Variants in DNMT3A observed in about 807,000 individuals in gnomAD.
DNMT3A encodes DNA (cytosine-5)-methyltransferase 3A.
Under a neutral mutation model 117.6 loss-of-function variants are expected in DNMT3A, and 267 were observed. The ratio of observed to expected loss-of-function variants is 2.27; its 90% CI spans 2.05 to 2.51. DNMT3A has a LOEUF of 2.51. Ranked by LOEUF, DNMT3A falls within the 30% of genes most tolerant of loss-of-function variation. The pLI is 0.00. For missense variants in DNMT3A, 1,029 were observed against 1,260.2 expected, an observed-to-expected ratio of 0.82 and a Z score of 2.78; for synonymous variants, 432 against 474.8, an observed-to-expected ratio of 0.91 and a Z score of 1.17.
At position 25,240,378 on chromosome 2, in the gene DNMT3A, CGATCA is replaced by C; in HGVS notation, c.2241_2245del (p.Asp747GlufsTer8). ...ATTCTCAAAGAGCCAGAAGAAGGGGCGATCATCTCCCTCCTTGGGCCGCGCATCAT... is the reference window on the plus strand; with the variant it reads ...ATTCTCAAAGAGCCAGAAGAAGGGGCTCTCCCTCCTTGGGCCGCGCATCAT... On this transcript the variant is annotated frameshift_variant, in exon 19 of 23. Transcript: ENST00000321117. LOFTEE classifies it high-confidence loss of function. 1.2e-6 allele frequency: 2 copies of C among 1,613,968 alleles called. No individual in the cohort carries two copies. Among genetic ancestry groups the C allele is most frequent in the Non-Finnish European group, 1.7e-6 (2 of 1,179,910 alleles).
At chr2:25,275,304 T>C (rs2031308102) in intron 5 of DNMT3A, among the ~76,000 whole-genome samples, 196 bp downstream of exon 5, 1 of 151,926 alleles carries the variant, frequency 6.6e-6, no homozygotes, top group Non-Finnish European at 1.5e-5. Context: ...AAGGGAGGCG[T>C]CTGGCCTCTG....
chr2:25,337,196 C>T lies in DNMT3A; in HGVS notation c.-178+4630G>A, dbSNP rs936170742. Among the ~76,000 whole-genome samples, 4 of 152,198 alleles carry T rather than the reference C, an allele frequency of 2.6e-5. No homozygotes were observed. Among genetic ancestry groups the T allele is most frequent in the Non-Finnish European group, 5.9e-5 (4 of 68,034 alleles). On this transcript the variant is annotated intron_variant, in intron 1 of 22. Transcript: ENST00000321117. The surrounding 1 kb of genome is among the most constrained non-coding windows in gnomAD (Gnocchi z 5.0). ...ACCTGTTGACACGAGATTTGTTCAACTCAACAGATTGCTAAGTGTCGCTGA... is the reference window on the plus strand; with the variant it reads ...ACCTGTTGACACGAGATTTGTTCAATTCAACAGATTGCTAAGTGTCGCTGA...
chr2:25,314,135 T>C lies in DNMT3A; in HGVS notation c.-151A>G. The C allele has an allele frequency of 1.4e-6, 2 of 1,425,946 alleles. No homozygotes were observed. The highest frequency in any genetic ancestry group is 3.0e-5 in the South Asian group (2 of 66,726). The allele number at this position is 1,425,946 out of a possible 1,614,324, so 88.3% of individuals were successfully genotyped here. ...CTGGTGAACGGTGCCTCTGTCAGCC[T>C]GTGGGTGGGGGCTTCGATGGCTCCA... On this transcript the variant is annotated 5_prime_UTR_variant, in exon 2 of 23. Transcript: ENST00000321117.
At chr2:25,246,827 G>C (rs1365502110) in intron 9 of DNMT3A, 51 bp from the exon 10 acceptor site, 3 of 1,599,434 alleles carry the variant, frequency 1.9e-6, no homozygotes, top group Non-Finnish European at 2.6e-6. Context: ...CTGGAAGGCA[G>C]ATGGGTCAGG....
chr2:25,336,037 A>G (rs1344390840), intron 1 of DNMT3A, among the ~76,000 whole-genome samples: 1 of 151,780 alleles, frequency 6.6e-6, no homozygotes, highest in Non-Finnish European at 1.5e-5. Context: ...CCCCACCTCC[A>G]CTGCCCACCA....
intron 16 of DNMT3A, chr2:25,242,057 A>C: frequency 3.6e-6 from 1 of 276,156 alleles, no homozygotes. Flanking sequence ...ATACCCTCTT[A>C]TCACCTCCTG....
chr2:25,329,832 G>A (rs1370760688), intron 1 of DNMT3A, among the ~76,000 whole-genome samples: 1 of 152,160 alleles, frequency 6.6e-6, no homozygotes, highest in African/African-American at 2.4e-5. Flanking sequence ...TGCACACGCT[G>A]GGGCACCTGG....
chr2:25,246,421 C>T (rs1674779032), intron 10 of DNMT3A, 112 bp from the exon 11 acceptor site: 2 of 1,461,648 alleles, frequency 1.4e-6, no homozygotes, highest in Non-Finnish European at 1.8e-6. Flanking sequence ...TTGTTCCCAC[C>T]TCCCAACTCT....
intron 22 of DNMT3A, among the ~76,000 whole-genome samples, chr2:25,235,273 C>T (rs1053531673): frequency 3.3e-5 from 5 of 152,056 alleles, no homozygotes; most frequent in African/African-American, 1.2e-4. Context: ...CAACCTCCAC[C>T]TCCCAGGTTC....
rs1303947595 is a variant in DNMT3A, at chr2:25,229,507, A to C, written c.*4772T>G. 6.6e-6 allele frequency: 1 copy of C among 152,178 alleles called. No homozygotes were observed. Among genetic ancestry groups the C allele is most frequent in the Admixed American group, 6.5e-5 (1 of 15,284 alleles). The allele number at this position is 152,178 out of a possible 1,614,324, so 9.4% of individuals were successfully genotyped here. On this transcript the variant is annotated 3_prime_UTR_variant, in exon 23 of 23. Transcript: ENST00000321117. ...AGAGCAGGCAGCGTGGAGAATACGC[A>C]ATGACAAACTCAGATTACTCACCTC...
At chr2:25,302,473 G>C (rs116407480) in intron 2 of DNMT3A, among the ~76,000 whole-genome samples, 481 of 152,358 alleles carry the variant, frequency 3.2e-3, no homozygotes, top group African/African-American at 0.011. Context: ...GGAGCCCCGT[G>C]CCGTCTGTGG....
chr2:25,239,324 A>G, intron 19 of DNMT3A, 109 bp from the exon 20 acceptor site: 1 of 934,750 alleles, frequency 1.1e-6, no homozygotes, highest in East Asian at 2.6e-5. Context: ...CTTCTCTCTC[A>G]GGAGCCACAC....
At chr2:25,336,453 G>A (rs930420189) in intron 1 of DNMT3A, among the ~76,000 whole-genome samples, 5 of 152,088 alleles carry the variant, frequency 3.3e-5, no homozygotes, top group Admixed American at 3.3e-4. Context: ...TCACTCGCTC[G>A]CAGACCAGAC....
chr2:25,304,895 C>T lies in DNMT3A; in HGVS notation c.73-4652G>A, dbSNP rs551990406. On this transcript the variant is annotated intron_variant, in intron 2 of 22. Coordinates refer to ENST00000321117, the MANE Select transcript of DNMT3A (RefSeq NM_022552.5). The surrounding 1 kb of genome is among the most constrained non-coding windows in gnomAD (Gnocchi z 4.3). ...TATCCTGGATTCCCTGCCCCTAGGC[C>T]CCCTCCTCCCATCCCCTGCCTAGAC... 6.6e-6 allele frequency among the ~76,000 whole-genome samples: 1 copy of T among 152,366 alleles called. No individual in the cohort carries two copies. Among genetic ancestry groups the T allele is most frequent in the South Asian group, 2.1e-4 (1 of 4,830 alleles).
chr2:25,318,864 AT>A (rs34922001), intron 1 of DNMT3A, among the ~76,000 whole-genome samples: 73,689 of 148,158 alleles, frequency 0.5, 19,010 homozygotes, highest in Non-Finnish European at 0.57. Context: ...TGCCTGACTA[AT>A]TTTTTTTCTA....
intron 2 of DNMT3A, among the ~76,000 whole-genome samples, chr2:25,313,172 T>C (rs1322641232): frequency 6.6e-6 from 1 of 152,188 alleles, no homozygotes; most frequent in African/African-American, 2.4e-5. Context: ...AGACAGCCTG[T>C]GGAGACCCAG....
Position 25,236,097 on chromosome 2 carries a change from G to T in DNMT3A, c.2479-272C>A, listed in dbSNP as rs896916436. ...TTTTTTTTTTTTGAGACGGAGTCTC[G>T]CTCTGTCACCCAGGCTGGACTGCAG... On this transcript the variant is annotated intron_variant, in intron 21 of 22. Coordinates refer to ENST00000321117, the MANE Select transcript of DNMT3A (RefSeq NM_022552.5). The surrounding 1 kb of genome is among the most constrained non-coding windows in gnomAD (Gnocchi z 4.5). 1.4e-4 allele frequency among the ~76,000 whole-genome samples: 21 copies of T among 147,406 alleles called. No individual in the cohort carries two copies. Among genetic ancestry groups the T allele is most frequent in the African/African-American group, 2.0e-4 (8 of 39,712 alleles).
In DNMT3A at chr2:25,234,545, T is replaced by G; in HGVS notation, c.2598-125A>C. 8.9e-7 allele frequency: 1 copy of G among 1,128,050 alleles called. No individual in the cohort carries two copies. Among genetic ancestry groups the G allele is most frequent in the Non-Finnish European group, 1.2e-6 (1 of 815,260 alleles). 69.9% of individuals were successfully genotyped at this position (1,128,050 alleles called of 1,614,324 possible). ...ACCCGAAGTGCAGGGACAGGGGCAC[T>G]CACACCCACCAACTCCTCTGACGCC... On this transcript the variant is annotated intron_variant, in intron 22 of 22. Transcript: ENST00000321117. This position sits in a 1 kb window ranked among gnomAD's most constrained non-coding sequence, Gnocchi z 4.5.
Position 25,275,490 on chromosome 2 carries a change from G to C in DNMT3A, c.492+10C>G. ...AGGATCCACAGAGCCCCTGGGGGTG[G>C]AACACTTGCCTCCATTTTCATGGAT... On this transcript the variant is annotated intron_variant, in intron 5 of 22. Transcript: ENST00000321117. The C allele has an allele frequency of 6.3e-7, 1 of 1,592,482 alleles. No homozygotes were observed.
Sources: allele counts gnomAD v4.1 joint callset (sites outside exome capture counted in the v4.1 genomes callset), GRCh38; gene constraint gnomAD v4.1.1; non-coding constraint Gnocchi (gnomAD v3.1); transcripts MANE v1.5; gene names NCBI Gene and HGNC (gene_info 2026-07-23, HGNC 2026-07-21).